The following CISD1 variants were observed in gnomAD, a reference collection of about 807,000 sequenced individuals.
The protein encoded by CISD1 is CDGSH iron sulfur domain 1.
In CISD1, 8 loss-of-function variants were observed where a neutral mutation model predicts 12.0. That is an observed-to-expected ratio of 0.67 (90% confidence interval 0.39 to 1.20). The LOEUF is 1.20. Among genes scored for constraint, CISD1 ranks in the 50% most tolerant of loss-of-function variants. CISD1 has a pLI of 0.01. For synonymous variants in CISD1, 38 were observed against 42.2 expected (o/e 0.90, Z 0.39); for missense variants, 107 against 132.7 (o/e 0.81, Z 0.95).
At chr10:58,271,299 C>T (rs1839246065) in intron 1 of CISD1, among the ~76,000 whole-genome samples, 1 of 151,960 alleles carries the variant, frequency 6.6e-6, no homozygotes, top group Non-Finnish European at 1.5e-5. Context: ...CTCGGCCTCC[C>T]AAAGTGCTGG....
intron 1 of CISD1, among the ~76,000 whole-genome samples, chr10:58,271,041 C>CTTTTTTTTTTTTT (rs752640135): frequency 4.4e-5 from 5 of 112,636 alleles, no homozygotes; most frequent in African/African-American, 1.4e-4. Flanking sequence ...GTTGCCATGA[C>CTTTTTTTTTTTTT]TATTTTTTTT....
rs772654436 is a variant in CISD1 at position 58,287,658 on chromosome 10, CTT to C, written c.*11_*12del. On this transcript the variant is annotated 3_prime_UTR_variant, in exon 3 of 3. Coordinates refer to ENST00000333926, the MANE Select transcript of CISD1 (RefSeq NM_018464.5). ...AAGAAAAAAGAAACTTAAATGGACA[CTT>C]TTGATGCTGCAAATCAGCTTGTCGT... The C allele has an allele frequency of 2.3e-5, 36 of 1,572,156 alleles. No homozygotes were observed. The highest frequency in any genetic ancestry group is 2.6e-5 in the Non-Finnish European group (30 of 1,148,284).
At chr10:58,275,565 C>T (rs1012083890) in intron 1 of CISD1, among the ~76,000 whole-genome samples, 4 of 151,926 alleles carry the variant, frequency 2.6e-5, no homozygotes, top group African/African-American at 9.7e-5. Flanking sequence ...CTGGGAAAGA[C>T]GAAACATTAG....
intron 1 of CISD1, among the ~76,000 whole-genome samples, chr10:58,273,710 G>A (rs1839275725): frequency 6.6e-6 from 1 of 152,204 alleles, no homozygotes; most frequent in Non-Finnish European, 1.5e-5. Flanking sequence ...TATTGGAAGT[G>A]TTACCTTTCT....
At chr10:58,286,940 A>T (rs954576196) in intron 2 of CISD1, among the ~76,000 whole-genome samples, 1 of 151,842 alleles carries the variant, frequency 6.6e-6, no homozygotes, top group African/African-American at 2.4e-5. Flanking sequence ...CAGTTGATTT[A>T]TTTTTTATTT....
chr10:58,276,839 G>T (rs1839320346), intron 1 of CISD1, among the ~76,000 whole-genome samples: 1 of 150,296 alleles, frequency 6.7e-6, no homozygotes, highest in African/African-American at 2.5e-5. Flanking sequence ...TGAGCTTTGG[G>T]TTTTTTTTAC....
At chr10:58,270,147 C>T (rs1456555189) in intron 1 of CISD1, among the ~76,000 whole-genome samples, 4 of 152,092 alleles carry the variant, frequency 2.6e-5, no homozygotes, top group African/African-American at 7.2e-5. Flanking sequence ...AAGAGACTGT[C>T]TAGAGGTTAA....
chr10:58,284,169 CA>C (rs1393756257), intron 2 of CISD1, among the ~76,000 whole-genome samples: 1 of 151,622 alleles, frequency 6.6e-6, no homozygotes, highest in African/African-American at 2.4e-5. Flanking sequence ...ACCTTGTCTC[CA>C]CAAAAAAATG....
chr10:58,283,339 G>C (rs1460215748), intron 2 of CISD1, among the ~76,000 whole-genome samples: 1 of 152,100 alleles, frequency 6.6e-6, no homozygotes, highest in Non-Finnish European at 1.5e-5. Context: ...TATAGCTACT[G>C]TCTTAGGTTT....
At chr10:58,279,222 A>T (rs1839348637) in intron 2 of CISD1, among the ~76,000 whole-genome samples, 1 of 152,196 alleles carries the variant, frequency 6.6e-6, no homozygotes, top group South Asian at 2.1e-4. Flanking sequence ...TTCAGGCTAC[A>T]TGTATAAGGT....
Position 58,277,421 on chromosome 10 carries a change from C to T in CISD1, c.237+99C>T, listed in dbSNP as rs1168848866. ...GTTCACCAGATATTGTTATGATATC[C>T]CTTTTTTGTTGTTGTTGAGACAGAG... On this transcript the variant is annotated intron_variant, in intron 2 of 2. Transcript: ENST00000333926. 3 of 863,608 alleles carry T rather than the reference C, an allele frequency of 3.5e-6. No individual in the cohort carries two copies. The East Asian group carries it at 8.8e-5, about 25-fold the overall frequency. The allele number at this position is 863,608 out of a possible 1,614,324, so 53.5% of individuals were successfully genotyped here.
rs114619309 is a variant in CISD1, at chr10:58,275,042, A to T, written c.32-2075A>T. On this transcript the variant is annotated intron_variant, in intron 1 of 2. Transcript: ENST00000333926. ...CTGTTTGCAATATGCAGGTGCCATC[A>T]AACAAATATGTTATGAAGTACTTTA... Among the ~76,000 whole-genome samples, 685 of 152,342 alleles carry T rather than the reference A, an allele frequency of 4.5e-3. 7 individuals carry two copies. Among genetic ancestry groups the T allele is most frequent in the African/African-American group, 0.015 (628 of 41,566 alleles).
At chr10:58,286,637 G>A (rs953989636) in intron 2 of CISD1, among the ~76,000 whole-genome samples, 2 of 152,144 alleles carry the variant, frequency 1.3e-5, no homozygotes, top group Non-Finnish European at 2.9e-5. Context: ...TGTCTTGCAG[G>A]ATTCAGGTTC....
At chr10:58,285,305 A>C (rs1397385787) in intron 2 of CISD1, among the ~76,000 whole-genome samples, 1 of 152,204 alleles carries the variant, frequency 6.6e-6, no homozygotes, top group African/African-American at 2.4e-5. Context: ...AGATAGATTA[A>C]AATTTGATTA....
At chr10:58,287,522 T>G in intron 2 of CISD1, 39 bp from the exon 3 acceptor site, 611 of 1,425,080 alleles carry the variant, frequency 4.3e-4, no homozygotes, top group Non-Finnish European at 5.5e-4. Flanking sequence ...ATACTGATTT[T>G]GAGATTAGAT....
chr10:58,273,025 G>T (rs1839266624), intron 1 of CISD1, among the ~76,000 whole-genome samples: 1 of 152,144 alleles, frequency 6.6e-6, no homozygotes, highest in South Asian at 2.1e-4. Flanking sequence ...TTCCCTGTGT[G>T]TGTCTGAAAT....
chr10:58,282,251 T>A (rs537138958), intron 2 of CISD1, among the ~76,000 whole-genome samples: 1 of 152,304 alleles, frequency 6.6e-6, no homozygotes, highest in Admixed American at 6.5e-5. Context: ...TGTCATCCAC[T>A]GTGTCCGGCC....
At chr10:58,271,144 A>C (rs1186256498) in intron 1 of CISD1, among the ~76,000 whole-genome samples, 2 of 145,720 alleles carry the variant, frequency 1.4e-5, no homozygotes, top group East Asian at 2.0e-4. Flanking sequence ...GGTTCATGCC[A>C]TTCTCCTGCC....
chr10:58,287,418 T>G, intron 2 of CISD1, 143 bp from the exon 3 acceptor site: 1 of 501,248 alleles, frequency 2.0e-6, no homozygotes, highest in Non-Finnish European at 3.5e-6. Flanking sequence ...GCATATGTAG[T>G]TTACATATGC....
Sources: gnomAD v4.1 joint callset for allele counts (sites outside exome capture counted in the v4.1 genomes callset) on GRCh38, gnomAD v4.1.1 for gene constraint, MANE v1.5 for transcripts, NCBI Gene and HGNC (gene_info 2026-07-23, HGNC 2026-07-21) for gene names.